The following AATK variants were observed in gnomAD, a reference collection of about 807,000 sequenced individuals.
AATK encodes serine/threonine-protein kinase LMTK1.
In AATK, 91 loss-of-function variants were observed where a neutral mutation model predicts 114.3. The observed-to-expected ratio is 0.80, with a 90% CI of 0.67 to 0.95. The LOEUF is 0.95. AATK is among the 40% of genes least tolerant of loss of function. The pLI, the probability that AATK is intolerant of heterozygous loss-of-function variation, is 0.00. For synonymous variants in AATK, 1,075 were observed against 916.5 expected (o/e 1.17, Z -3.12); for missense variants, 2,176 against 1,965.2 (o/e 1.11, Z -2.03).
At chr17:81,145,286 C>G (rs186293901) in intron 1 of AATK, among the ~76,000 whole-genome samples, 16 of 148,820 alleles carry the variant, frequency 1.1e-4, no homozygotes, top group Admixed American at 8.1e-4. Flanking sequence ...AATAGCCTGA[C>G]TGCATAACTT....
chr17:81,146,107 T>G (rs1211197654), intron 1 of AATK, among the ~76,000 whole-genome samples: 1 of 150,994 alleles, frequency 6.6e-6, no homozygotes, highest in African/African-American at 2.4e-5. Context: ...GAGAATGACT[T>G]GAACTCAGGA....
At chr17:81,157,453 T>C (rs778626282) in intron 1 of AATK, among the ~76,000 whole-genome samples, 5 of 152,118 alleles carry the variant, frequency 3.3e-5, no homozygotes, top group Non-Finnish European at 4.4e-5. Flanking sequence ...CCCCCAGTGC[T>C]AGGACCAGCC....
chr17:81,161,665 G>A (rs956982071), intron 1 of AATK, among the ~76,000 whole-genome samples: 8 of 152,116 alleles, frequency 5.3e-5, no homozygotes, highest in East Asian at 1.9e-4. Context: ...GGGTGCTGCC[G>A]GACCCCATTT....
chr17:81,119,281 G>A, intron 13 of AATK, 99 bp downstream of exon 13: 3 of 1,284,492 alleles, frequency 2.3e-6, no homozygotes, highest in Non-Finnish European at 2.0e-6. Context: ...CGGAGCCGGG[G>A]CTGGCCCGGC....
intron 1 of AATK, among the ~76,000 whole-genome samples, chr17:81,142,751 C>T (rs1051385496): frequency 3.9e-5 from 6 of 152,140 alleles, no homozygotes; most frequent in African/African-American, 1.4e-4. Flanking sequence ...TGTGAGCCTC[C>T]CTGAGCAGTA....
Position 81,134,427 on chromosome 17 carries a change from C to G in AATK, c.130G>C (p.Ala44Pro). Residue 44 changes from alanine (A) to proline (P), a missense_variant, in exon 2 of 14, where the codon GCC (alanine) becomes CCC (proline). Physicochemically the swap from Ala to Pro is conservative, Grantham distance 27. This residue lies in a region of AATK where 178 missense variants were observed against 175.4 expected (regional missense o/e 1.01). Coordinates refer to ENST00000326724, the MANE Select transcript of AATK (RefSeq NM_001080395.3). ...CAGGCCAGCATGAGGACGATGACGG[C>G]GAAGAGCCCGGAGAAAGACACAGCC... ...VVAVSFSGLF[A>P]VIVLMLACLC... is the part of the protein sequence containing the mutation. The G allele has an allele frequency of 6.2e-7, 1 of 1,613,220 alleles. No individual in the cohort carries two copies. The highest frequency in any genetic ancestry group is 8.5e-7 in the Non-Finnish European group (1 of 1,179,790).
chr17:81,127,927 A>G lies in AATK; in HGVS notation c.415-17T>C, dbSNP rs1359492478. 6.5e-7 allele frequency: 1 copy of G among 1,547,978 alleles called. No homozygotes were observed. The highest frequency in any genetic ancestry group is 8.7e-7 in the Non-Finnish European group (1 of 1,146,672). On this transcript the variant is annotated splice_polypyrimidine_tract_variant and intron_variant, in intron 4 of 13. Coordinates refer to ENST00000326724, the MANE Select transcript of AATK (RefSeq NM_001080395.3). ...CAGGAACACCTGTGGGACAGACAGCATCACCCACGGCTGCTCCGCCTCCAC... is the reference window on the plus strand; with the variant it reads ...CAGGAACACCTGTGGGACAGACAGCGTCACCCACGGCTGCTCCGCCTCCAC...
At position 81,120,653 on chromosome 17, in the gene AATK, G is replaced by A; in HGVS notation, c.3283C>T (p.Pro1095Ser). ...GPAKVRPGPS[P>S]SCSQFFLLTP... is the part of the protein sequence containing the mutation. ...AGCAGGAAAAACTGGGAGCAGCTGG[G>A]GCTGGGCCCAGGCCGCACCTTGGCT... Residue 1095 changes from proline to serine, a missense_variant, in exon 11 of 14, where the codon CCC (proline) becomes TCC (serine). Physicochemically the swap from Pro to Ser is moderately conservative, Grantham distance 74 (BLOSUM62 -1). Around this residue, in one of 4 missense-constraint regions of AATK, gnomAD observed 1,701 missense variants for 1,394.7 expected, o/e 1.22. Coordinates refer to ENST00000326724, the MANE Select transcript of AATK (RefSeq NM_001080395.3). 6.5e-7 allele frequency: 1 copy of A among 1,527,816 alleles called. No individual in the cohort carries two copies. The highest frequency in any genetic ancestry group is 8.8e-7 in the Non-Finnish European group (1 of 1,142,056). 94.6% of individuals were successfully genotyped at this position (1,527,816 alleles called of 1,614,324 possible). A position where few individuals can be genotyped will look rare whatever the true frequency, so the allele number is the denominator to read the frequency against.
Position 81,122,700 on chromosome 17 carries a change from C to T in AATK, c.1236G>A (p.Arg412=). The change falls in exon 11 of 14, where the codon CGG becomes CGA. Residue 412 remains arginine (R), a synonymous_variant. Transcript: ENST00000326724. ...GATEAEEEFE[R]RWRSLRPGGG... ...CGCCGGGCCGCAGAGAGCGCCAGCG[C>T]CGTTCAAACTCCTCCTCTGCTTCGG... 6.4e-7 allele frequency: 1 copy of T among 1,567,264 alleles called. No homozygotes were observed. Among genetic ancestry groups the T allele is most frequent in the Non-Finnish European group, 8.6e-7 (1 of 1,156,730 alleles).
chr17:81,124,037 G>C (rs2060747601), intron 9 of AATK, among the ~76,000 whole-genome samples: 1 of 152,172 alleles, frequency 6.6e-6, no homozygotes, highest in Non-Finnish European at 1.5e-5. Flanking sequence ...GAGGTGAGGA[G>C]GGGACAGTGT....
At chr17:81,137,006 T>G (rs2061020634) in intron 1 of AATK, among the ~76,000 whole-genome samples, 1 of 151,994 alleles carries the variant, frequency 6.6e-6, no homozygotes, top group African/African-American at 2.4e-5. Context: ...GCCTGTAATC[T>G]CAGCACTTTG....
At position 81,150,026 on chromosome 17, in the gene AATK, G is replaced by A. The variant is rs114910160; in HGVS notation, c.56-15525C>T. 7.5e-3 allele frequency among the ~76,000 whole-genome samples: 1,143 copies of A among 152,176 alleles called. 20 individuals are homozygous for A. Among genetic ancestry groups the A allele is most frequent in the African/African-American group, 0.026 (1,067 of 41,522 alleles). On this transcript the variant is annotated intron_variant, in intron 1 of 13. Coordinates refer to ENST00000326724, the MANE Select transcript of AATK (RefSeq NM_001080395.3). ...TGCGGACCAGCCTGGTGCCTCTGGC[G>A]GGGACAGCACACAGCTCTGTGGATA...
chr17:81,127,730 G>C (rs534879756), intron 5 of AATK, 60 bp from the exon 6 acceptor site: 5 of 1,523,052 alleles, frequency 3.3e-6, no homozygotes, highest in Non-Finnish European at 2.7e-6. Context: ...GAGTCGGGCC[G>C]AGCAGGGGAG....
In AATK at chr17:81,126,233, G is replaced by A. The variant is rs558283238; in HGVS notation, c.755+194C>T. Among the ~76,000 whole-genome samples, 1 of 152,294 alleles carries A rather than the reference G, an allele frequency of 6.6e-6. No individual in the cohort carries two copies. The highest frequency in any genetic ancestry group is 1.9e-4 in the East Asian group (1 of 5,172). Reference sequence around the variant, plus strand: ...TCTCTTCGTCTAAACCTGCAAAGTGGGTGTCAAACCATTGTCTTCCCAATT... The same window carrying A: ...TCTCTTCGTCTAAACCTGCAAAGTGAGTGTCAAACCATTGTCTTCCCAATT... On this transcript the variant is annotated intron_variant, in intron 7 of 13. Transcript: ENST00000326724. This position sits in a 1 kb window ranked among gnomAD's most constrained non-coding sequence, Gnocchi z 5.1.
chr17:81,138,812 GCA>G (rs1258038112), intron 1 of AATK, among the ~76,000 whole-genome samples: 2 of 146,326 alleles, frequency 1.4e-5, no homozygotes, highest in Non-Finnish European at 3.0e-5. Context: ...ACTTGCGCGT[GCA>G]CACCCACGTG....
chr17:81,119,903 T>C, intron 12 of AATK, 33 bp downstream of exon 12: 1 of 1,404,400 alleles, frequency 7.1e-7, no homozygotes, highest in Non-Finnish European at 9.2e-7. Context: ...CTGCCTCCCG[T>C]GACGTCACGG....
At chr17:81,163,512 T>G (rs2061449077) in intron 1 of AATK, among the ~76,000 whole-genome samples, 1 of 152,154 alleles carries the variant, frequency 6.6e-6, no homozygotes, top group African/African-American at 2.4e-5. Flanking sequence ...GGGTGAGTAG[T>G]CCGAGGCCAC....
chr17:81,119,209 G>T lies in AATK; in HGVS notation c.4084+171C>A, dbSNP rs1328639001. On this transcript the variant is annotated intron_variant, in intron 13 of 13. Coordinates refer to ENST00000326724, the MANE Select transcript of AATK (RefSeq NM_001080395.3). ...TCAGGTGAGGGCCAGGCGAGGGCCA[G>T]GCGGGGTCCAGGCTAGGTCTGGGGC... is the stretch of plus-strand genomic sequence containing the variant. Among the ~76,000 whole-genome samples the T allele has an allele frequency of 4.1e-5, 6 of 144,776 alleles. No homozygotes were observed. The East Asian group carries it at 1.3e-3, about 31-fold the overall frequency. The allele number at this position is 144,776 out of a possible 152,430, so 95.0% of individuals were successfully genotyped here.
At chr17:81,145,584 T>G (rs142943910) in intron 1 of AATK, among the ~76,000 whole-genome samples, 144 of 151,964 alleles carry the variant, frequency 9.5e-4, no homozygotes, top group African/African-American at 3.3e-3. Flanking sequence ...AATACACAAA[T>G]TAGCCAGGCG....
Sources: gnomAD v4.1 joint callset for allele counts (sites outside exome capture counted in the v4.1 genomes callset) on GRCh38, gnomAD v4.1.1 for gene constraint, gnomAD v4.1.1 regional missense constraint, Gnocchi (gnomAD v3.1) non-coding constraint, MANE v1.5 for transcripts, NCBI Gene and HGNC (gene_info 2026-07-23, HGNC 2026-07-21) for gene names.